Variants in TRPM3 observed in about 807,000 individuals in gnomAD.
TRPM3 encodes transient receptor potential cation channel subfamily M member 3.
A neutral mutation model predicts 181.2 loss-of-function variants in TRPM3; 77 were observed. That is an observed-to-expected ratio of 0.42 (90% CI 0.35 to 0.51). The LOEUF (loss-of-function observed/expected upper bound fraction) is 0.51. Ranked by LOEUF, TRPM3 falls within the 20% of genes least tolerant of loss-of-function variation. The pLI, the probability that TRPM3 is intolerant of heterozygous loss-of-function variation, is 0.01. For missense variants in TRPM3, 1,759 were observed against 2,196.7 expected, an observed-to-expected ratio of 0.80 and a Z score of 3.98; for synonymous variants, 745 against 796.4, an observed-to-expected ratio of 0.94 and a Z score of 1.09.
intron 1 of TRPM3, among the ~76,000 whole-genome samples, chr9:70,955,035 G>T (rs1340894292): frequency 2.0e-5 from 3 of 152,132 alleles, no homozygotes; most frequent in Non-Finnish European, 4.4e-5. Flanking sequence ...ATCAGCTATA[G>T]CTTCTGTGTA....
chr9:71,297,647 C>T (rs747636441), intron 1 of TRPM3, among the ~76,000 whole-genome samples: 9 of 152,182 alleles, frequency 5.9e-5, no homozygotes, highest in Non-Finnish European at 1.3e-4. Flanking sequence ...TCAATTACCT[C>T]CCACTGGGTC....
chr9:71,355,486 G>A (rs2091857716), intron 1 of TRPM3, among the ~76,000 whole-genome samples: 1 of 152,128 alleles, frequency 6.6e-6, no homozygotes, highest in Non-Finnish European at 1.5e-5. Flanking sequence ...CAGACTTTCA[G>A]AAGAATCCAG....
At chr9:71,270,739 C>A (rs1376172575) in intron 1 of TRPM3, among the ~76,000 whole-genome samples, 40 of 152,114 alleles carry the variant, frequency 2.6e-4, no homozygotes, top group Non-Finnish European at 4.4e-5. Context: ...TCTGTGTGAC[C>A]AGCAATATGG....
Position 71,351,320 on chromosome 9 carries a change from G to A in TRPM3, c.183+95333C>T, listed in dbSNP as rs1023099405. 2.6e-5 allele frequency among the ~76,000 whole-genome samples: 4 copies of A among 152,184 alleles called. No individual in the cohort carries two copies. In the South Asian group the frequency reaches 8.3e-4, roughly 32 times the overall value. On this transcript the variant is annotated intron_variant, in intron 1 of 24. Transcript: ENST00000357533. ...AGCTTAGGTACACAGCGTTAAGGCT[G>A]TAATTGGATTCACGTGAACAAATTT... is the stretch of plus-strand genomic sequence containing the variant.
In TRPM3 at chr9:70,535,677, C is replaced by T. The variant is rs1055809107; in HGVS notation, c.*276G>A. On this transcript the variant is annotated 3_prime_UTR_variant, in exon 26 of 26. Coordinates refer to ENST00000677713, the MANE Select transcript of TRPM3 (RefSeq NM_001366145.2). ...GCTTTCTGCTGTGACTGCGGATACA[C>T]ATTCATCTCTAACCCTTCCTTCTCC... 2.3e-4 allele frequency: 333 copies of T among 1,440,372 alleles called. 1 individual carries two copies. In the East Asian group the frequency reaches 8.2e-3, roughly 36 times the overall value. 89.2% of individuals were successfully genotyped at this position (1,440,372 alleles called of 1,614,324 possible). A position where few individuals can be genotyped will look rare whatever the true frequency, so the allele number is the denominator to read the frequency against.
intron 1 of TRPM3, among the ~76,000 whole-genome samples, chr9:71,192,239 A>G (rs1297428657): frequency 6.6e-6 from 1 of 151,886 alleles, no homozygotes; most frequent in Non-Finnish European, 1.5e-5. Context: ...ATTTGAATCA[A>G]TTAAAGAATC....
intron 1 of TRPM3, among the ~76,000 whole-genome samples, chr9:71,109,491 C>T (rs933113911): frequency 6.6e-6 from 1 of 152,188 alleles, no homozygotes; most frequent in African/African-American, 2.4e-5. Flanking sequence ...TGCATACCAA[C>T]TATACGCAAA....
chr9:70,958,245 G>A (rs1205893939), intron 1 of TRPM3, among the ~76,000 whole-genome samples: 1 of 152,076 alleles, frequency 6.6e-6, no homozygotes, highest in African/African-American at 2.4e-5. Flanking sequence ...AGTTTGTATG[G>A]TTCTGTGCTA....
chr9:71,301,013 C>CA (rs2086720823), intron 1 of TRPM3, among the ~76,000 whole-genome samples: 1 of 152,120 alleles, frequency 6.6e-6, no homozygotes, highest in Non-Finnish European at 1.5e-5. Context: ...GGCTTCATTT[C>CA]ACCACGCTCT....
intron 1 of TRPM3, among the ~76,000 whole-genome samples, chr9:70,992,611 T>A (rs1354341278): frequency 4.6e-5 from 7 of 152,228 alleles, no homozygotes; most frequent in Non-Finnish European, 1.0e-4. Context: ...GCTAGCCATA[T>A]GTGTGTACTG....
chr9:71,223,366 A>G (rs1191453777), intron 1 of TRPM3, among the ~76,000 whole-genome samples: 1 of 152,180 alleles, frequency 6.6e-6, no homozygotes, highest in African/African-American at 2.4e-5. Context: ...ATCTGCTGAC[A>G]TAAAAGCCTT....
chr9:70,852,021 A>G (rs1385611033), intron 3 of TRPM3, among the ~76,000 whole-genome samples: 1 of 148,560 alleles, frequency 6.7e-6, no homozygotes, highest in Non-Finnish European at 1.5e-5. Context: ...TGGGAGGCTG[A>G]GGCAGAAGAA....
chr9:71,110,014 T>C (rs1480285638), intron 1 of TRPM3, among the ~76,000 whole-genome samples: 1 of 152,196 alleles, frequency 6.6e-6, no homozygotes, highest in Non-Finnish European at 1.5e-5. Context: ...AATAATGACA[T>C]ATTTTGAAGA....
chr9:70,575,778 A>C (rs116221042), intron 22 of TRPM3, among the ~76,000 whole-genome samples: 133 of 152,306 alleles, frequency 8.7e-4, no homozygotes, highest in African/African-American at 3.1e-3. Flanking sequence ...GAGATGACAG[A>C]ACTGAGATTC....
intron 1 of TRPM3, among the ~76,000 whole-genome samples, chr9:70,924,195 C>T (rs2096695542): frequency 6.6e-6 from 1 of 151,928 alleles, no homozygotes; most frequent in African/African-American, 2.4e-5. Flanking sequence ...ACAGAAAAGC[C>T]CCCACATACC....
chr9:70,554,884 C>A (rs2047275068), intron 22 of TRPM3, among the ~76,000 whole-genome samples: 1 of 152,098 alleles, frequency 6.6e-6, no homozygotes, highest in Admixed American at 6.6e-5. Context: ...TTTTGAGGAG[C>A]AAGAATCTTT....
intron 1 of TRPM3, among the ~76,000 whole-genome samples, chr9:70,988,938 A>T (rs1207710198): frequency 3.3e-5 from 5 of 152,142 alleles, no homozygotes; most frequent in African/African-American, 1.2e-4. Context: ...CACTAATGTG[A>T]AAGGGTTTAG....
chr9:70,536,383 C>T lies in TRPM3; in HGVS notation c.4730G>A (p.Arg1577Lys). ...CVNAPQAIAD[R>K]AAFPGGLGDK... ...TCCAAGACCTCCAGGGAAGGCAGCT[C>T]TGTCCGCAATTGCTTGAGGGGCATT... The change falls in exon 26 of 26, where the codon AGA becomes AAA. Residue 1577 changes from arginine (R) to lysine (K), a missense_variant. Arg to Lys is a conservative substitution (Grantham distance 26, BLOSUM62 2). This residue lies in a region of TRPM3 where 612 missense variants were observed against 590.0 expected (regional missense o/e 1.04). Transcript: ENST00000677713. The T allele has an allele frequency of 6.2e-7, 1 of 1,614,110 alleles. No homozygotes were observed. The highest frequency in any genetic ancestry group is 8.5e-7 in the Non-Finnish European group (1 of 1,180,014).
intron 1 of TRPM3, among the ~76,000 whole-genome samples, chr9:71,366,561 G>A (rs1421898475): frequency 6.6e-6 from 1 of 152,104 alleles, no homozygotes; most frequent in Non-Finnish European, 1.5e-5. Flanking sequence ...ACCTTGTAGG[G>A]CCACTATAAT....
Sources: gnomAD v4.1 joint callset for allele counts (sites outside exome capture counted in the v4.1 genomes callset) on GRCh38, gnomAD v4.1.1 for gene constraint, gnomAD v4.1.1 regional missense constraint, MANE v1.5 for transcripts, NCBI Gene and HGNC (gene_info 2026-07-23, HGNC 2026-07-21) for gene names.